FANCA: variants seen among roughly 807,000 people sequenced by gnomAD.
The protein encoded by FANCA is FA complementation group A, also known as Fanconi anemia group A protein.
FANCA carries 236 observed loss-of-function variants against 194.3 expected under a neutral mutation model. The ratio of observed to expected loss-of-function variants is 1.21; its 90% CI spans 1.09 to 1.35. The LOEUF (loss-of-function observed/expected upper bound fraction) is 1.35, where lower values mean the gene tolerates loss of function less well. Ranked by LOEUF, FANCA falls within the 40% of genes most tolerant of loss-of-function variation. The probability of loss-of-function intolerance (pLI) is 0.00; values close to 1 mark genes in which losing one functional copy is unlikely to be tolerated. For missense variants in FANCA, 2,628 were observed against 1,813.9 expected (o/e 1.45, Z -8.15); for synonymous variants, 1,014 against 715.8 (o/e 1.42, Z -6.65).
At chr16:89,759,333 A>T (rs1380856519) in intron 29 of FANCA, among the ~76,000 whole-genome samples, 13 of 146,574 alleles carry the variant, frequency 8.9e-5, no homozygotes, top group East Asian at 2.0e-4. Context: ...AAAAAAAAAA[A>T]AAAAAAAAAA....
At position 89,813,973 on chromosome 16, in the gene FANCA, C is replaced by A. The variant is rs182830788; in HGVS notation, c.283+547G>T. The stretch of plus-strand genomic sequence containing the variant: ...ATATGCAATTTGTGAAATTCAAATA[C>A]AATCATGGCAGTGAAAATCTGTATC... On this transcript the variant is annotated intron_variant, in intron 3 of 42. Transcript: ENST00000389301. Among the ~76,000 whole-genome samples the A allele has an allele frequency of 1.2e-3, 179 of 152,274 alleles. 2 individuals carry two copies. Among genetic ancestry groups the A allele is most frequent in the Non-Finnish European group, 9.1e-4 (62 of 68,028 alleles).
chr16:89,792,361 CCCTGAACCTCTCGATGTG>C lies in FANCA; in HGVS notation c.1083+92_1083+109del. 3.4e-6 allele frequency: 4 copies of C among 1,193,644 alleles called. No homozygotes were observed. In the Admixed American group the frequency reaches 6.8e-5, roughly 20 times the overall value. The allele number at this position is 1,193,644 out of a possible 1,614,324, so 73.9% of individuals were successfully genotyped here. ...AGGACAGCCACATCTCACCAGACAT[CCCTGAACCTCTCGATGTG>C]CCGTCCACGGCAGGCAGCATGACAA... On this transcript the variant is annotated intron_variant, in intron 12 of 42. Coordinates refer to ENST00000389301, the MANE Select transcript of FANCA (RefSeq NM_000135.4).
chr16:89,771,051 G>A (rs2039306678), intron 23 of FANCA, among the ~76,000 whole-genome samples: 1 of 151,456 alleles, frequency 6.6e-6, no homozygotes, highest in Non-Finnish European at 1.5e-5. Context: ...TGTAATCCCA[G>A]CTACCCAGGA....
At chr16:89,788,892 G>C (rs1028358485) in intron 14 of FANCA, among the ~76,000 whole-genome samples, 1 of 152,144 alleles carries the variant, frequency 6.6e-6, no homozygotes, top group Admixed American at 6.5e-5. Context: ...TTTTGATAAA[G>C]TTGATTTGAA....
chr16:89,750,495 A>G (rs1210634317), intron 31 of FANCA, among the ~76,000 whole-genome samples: 1 of 144,940 alleles, frequency 6.9e-6, no homozygotes, highest in Non-Finnish European at 1.5e-5. Context: ...AAAAAAACAA[A>G]CAAAAAAAAA....
intron 23 of FANCA, 88 bp from the exon 24 acceptor site, chr16:89,770,722 G>A (rs763161736): frequency 5.1e-6 from 6 of 1,178,192 alleles, no homozygotes; most frequent in Middle Eastern, 1.9e-4. Context: ...CACAGACATC[G>A]CAATTCTGCT....
chr16:89,804,286 C>T (rs1319398467), intron 7 of FANCA, among the ~76,000 whole-genome samples: 1 of 150,410 alleles, frequency 6.6e-6, no homozygotes, highest in African/African-American at 2.5e-5. Context: ...ATGGGTCTCC[C>T]AGCAGGTGTT....
chr16:89,752,278 C>T (rs2038622868), intron 30 of FANCA, 56 bp from the exon 31 acceptor site: 4 of 1,391,094 alleles, frequency 2.9e-6, no homozygotes, highest in Non-Finnish European at 3.1e-6. Flanking sequence ...TGCTGAAGTT[C>T]CCAGTTCTCC....
chr16:89,760,549 A>C (rs941424906), intron 29 of FANCA, among the ~76,000 whole-genome samples: 3 of 152,058 alleles, frequency 2.0e-5, no homozygotes, highest in Non-Finnish European at 2.9e-5. Flanking sequence ...ATCTGCAGTG[A>C]CCACATTCCC....
At chr16:89,779,548 G>C (rs1389298215) in intron 18 of FANCA, among the ~76,000 whole-genome samples, 1 of 152,108 alleles carries the variant, frequency 6.6e-6, no homozygotes, top group African/African-American at 2.4e-5. Context: ...GCACGGGAGG[G>C]GCATCACCTG....
At position 89,739,157 on chromosome 16, in the gene FANCA, G is replaced by A. The variant is rs1375696811; in HGVS notation, c.4143C>T (p.Gly1381=). 1 of 1,614,166 alleles carries A rather than the reference G, an allele frequency of 6.2e-7. No individual in the cohort carries two copies. The change falls in exon 41 of 43, where the codon GGC becomes GGT. Residue 1381 remains glycine, a synonymous_variant. Transcript: ENST00000389301. ...CCTGACCCTTGAGCTCCAGGCTCCT[G>A]CCAGCTGGAGGTGAAACTGTGCTTG... ...GDTSTVSPPA[G]RSLELKGQGN... is the part of the protein sequence containing the mutation.
intron 10 of FANCA, 86 bp from the exon 11 acceptor site, chr16:89,796,104 C>T (rs2143559591): frequency 2.0e-6 from 2 of 1,009,872 alleles, no homozygotes; most frequent in East Asian, 2.4e-5. Flanking sequence ...GTGGCTCAGG[C>T]TCATCCCTTC....
chr16:89,802,523 T>C (rs1161458790), intron 8 of FANCA, among the ~76,000 whole-genome samples: 1 of 152,170 alleles, frequency 6.6e-6, no homozygotes, highest in African/African-American at 2.4e-5. Context: ...TGCCTCAGCC[T>C]CCTGAGTGGC....
intron 30 of FANCA, among the ~76,000 whole-genome samples, chr16:89,753,431 C>T (rs938178841): frequency 2.6e-5 from 4 of 152,194 alleles, no homozygotes; most frequent in Non-Finnish European, 5.9e-5. Context: ...GGGAGAGACC[C>T]ACCGACCCTC....
intron 28 of FANCA, among the ~76,000 whole-genome samples, chr16:89,764,155 T>G (rs1199738843): frequency 6.6e-6 from 1 of 151,612 alleles, no homozygotes; most frequent in East Asian, 1.9e-4. Flanking sequence ...GGCATGAGAA[T>G]TGCTTGAACC....
chr16:89,773,426 A>G, intron 21 of FANCA, 42 bp from the exon 22 acceptor site: 2 of 1,375,986 alleles, frequency 1.5e-6, no homozygotes, highest in Non-Finnish European at 2.0e-6. Flanking sequence ...GACACTCAAC[A>G]GGACTCTTCA....
intron 2 of FANCA, among the ~76,000 whole-genome samples, chr16:89,815,113 G>A (rs909966715): frequency 4.6e-5 from 7 of 151,608 alleles, no homozygotes; most frequent in Non-Finnish European, 1.0e-4. Flanking sequence ...TCTCACTCAC[G>A]GCGACCTCCA....
At chr16:89,759,017 G>A (rs1023858784) in intron 29 of FANCA, among the ~76,000 whole-genome samples, 2 of 152,066 alleles carry the variant, frequency 1.3e-5, no homozygotes. Context: ...AACAGAATAG[G>A]CAAGCACAAA....
intron 36 of FANCA, 179 bp downstream of exon 36, chr16:89,744,780 C>T: frequency 1.5e-6 from 1 of 669,388 alleles, no homozygotes; most frequent in Non-Finnish European, 2.7e-6. Flanking sequence ...CCTCGGCCTC[C>T]CCAGTAGTTG....
Sources: gnomAD v4.1 joint callset for allele counts (sites outside exome capture counted in the v4.1 genomes callset) on GRCh38, gnomAD v4.1.1 for gene constraint, MANE v1.5 for transcripts, NCBI Gene and HGNC (gene_info 2026-07-23, HGNC 2026-07-21) for gene names.